Variants in NMBR observed in about 807,000 individuals in gnomAD.
The protein encoded by NMBR is neuromedin-B receptor.
A neutral mutation model predicts 20.5 loss-of-function variants in NMBR; 16 were observed. The ratio of observed to expected loss-of-function variants is 0.78; its 90% CI spans 0.53 to 1.19. The LOEUF is 1.19. NMBR is among the 50% of genes most tolerant of loss of function. The probability of loss-of-function intolerance (pLI) is 0.00; values close to 1 mark genes in which losing one functional copy is unlikely to be tolerated. For synonymous variants in NMBR, 212 were observed against 196.6 expected (o/e 1.08, Z -0.65); for missense variants, 582 against 499.1 (o/e 1.17, Z -1.58).
In NMBR at chr6:142,078,591, A is replaced by T. The variant is rs1185171659; in HGVS notation, c.735T>A (p.Asn245Lys). The change falls in exon 3 of 4, where the codon AAT (asparagine) becomes AAA (lysine). Residue 245 changes from asparagine to lysine, a missense_variant. Transcript: ENST00000258042. ...TATGTTCATTGTATTCTCCAGGAAG[A>T]TTGTGTGCGCTTTTAATTAAGGTCT... ...IAKTLIKSAHNLPGEYNEHTK... is the reference protein window; with the variant it reads ...IAKTLIKSAHKLPGEYNEHTK... 2 of 1,608,532 alleles carry T rather than the reference A, an allele frequency of 1.2e-6. No homozygotes were observed. The highest frequency in any genetic ancestry group is 1.7e-5 in the Admixed American group (1 of 59,744).
Position 142,097,055 on chromosome 6 carries a change from C to T in NMBR, c.-663-7734G>A, listed in dbSNP as rs138006868. Among the ~76,000 whole-genome samples the T allele has an allele frequency of 1.7e-3, 255 of 152,202 alleles. 3 individuals carry two copies. The highest frequency in any genetic ancestry group is 0.014 in the East Asian group (74 of 5,182). On this transcript the variant is annotated intron_variant, in intron 1 of 3. Transcript: ENST00000258042. ...TCTTCCACCATCCCTTTATTTTGAG[C>T]GTATGTGTGTCTTTGCACGTGAGAT...
chr6:142,120,977 A>G (rs1380393767), intron 1 of NMBR, among the ~76,000 whole-genome samples: 1 of 151,976 alleles, frequency 6.6e-6, no homozygotes, highest in Non-Finnish European at 1.5e-5. Context: ...GCATCCAGCA[A>G]GTCCATCAGC....
chr6:142,121,870 C>T lies in NMBR; in HGVS notation c.-664+25174G>A, dbSNP rs181759963. On this transcript the variant is annotated intron_variant, in intron 1 of 3. Coordinates refer to ENST00000258042, the MANE Select transcript of NMBR (RefSeq NM_002511.4). ...AGACAGACCAGGAATGGAGCCCAAG[C>T]TGCAAAATTCTAGAGATTACCTCAA... 6.6e-5 allele frequency among the ~76,000 whole-genome samples: 10 copies of T among 152,034 alleles called. No individual in the cohort carries two copies. The East Asian group carries it at 1.9e-3, about 29-fold the overall frequency.
intron 1 of NMBR, among the ~76,000 whole-genome samples, chr6:142,137,989 A>C (rs1232410139): frequency 2.6e-5 from 4 of 151,906 alleles, no homozygotes; most frequent in Non-Finnish European, 4.4e-5. Flanking sequence ...GAAAAAAAAA[A>C]CCTTTCTGTG....
rs994652429 is a variant in NMBR at position 142,135,220 on chromosome 6, T to G, written c.-664+11824A>C. On this transcript the variant is annotated intron_variant, in intron 1 of 3. Transcript: ENST00000258042. ...TCAGTTTTTCTGTGGCCAGAGAAAC[T>G]TTTATTGTCTTTTTTTACGAAGTGG... 2.8e-4 allele frequency: 47 copies of G among 166,340 alleles called. No individual in the cohort carries two copies. In the Admixed American group the frequency reaches 2.9e-3, roughly 10 times the overall value. 10.3% of individuals were successfully genotyped at this position (166,340 alleles called of 1,614,324 possible). A position where few individuals can be genotyped will look rare whatever the true frequency, so the allele number is the denominator to read the frequency against.
chr6:142,125,162 C>G lies in NMBR; in HGVS notation c.-664+21882G>C, dbSNP rs111600361. On this transcript the variant is annotated intron_variant, in intron 1 of 3. Transcript: ENST00000258042. ...CTCAGCTGTCCCTCTGTGAAACATA[C>G]CATTCTGAGTACCTAAATTGACCTC... is the stretch of plus-strand genomic sequence containing the variant. 6.8e-3 allele frequency among the ~76,000 whole-genome samples: 1,026 copies of G among 151,924 alleles called. 13 individuals carry two copies. Among genetic ancestry groups the G allele is most frequent in the African/African-American group, 0.024 (978 of 41,486 alleles).
chr6:142,134,116 G>T, intron 1 of NMBR: 1 of 525,318 alleles, frequency 1.9e-6, no homozygotes. Context: ...CATAATATGA[G>T]AAATACCCTA....
At chr6:142,105,556 A>G (rs1286190392) in intron 1 of NMBR, among the ~76,000 whole-genome samples, 3 of 152,096 alleles carry the variant, frequency 2.0e-5, no homozygotes, top group Non-Finnish European at 2.9e-5. Flanking sequence ...TACTCCTTCA[A>G]TTTGAAACCT....
intron 1 of NMBR, among the ~76,000 whole-genome samples, chr6:142,123,614 C>T (rs1314190861): frequency 6.6e-6 from 1 of 151,858 alleles, no homozygotes; most frequent in Non-Finnish European, 1.5e-5. Context: ...GTCACCCCAA[C>T]CTTCAGCAGC....
chr6:142,132,084 C>T (rs1468346330), intron 1 of NMBR, among the ~76,000 whole-genome samples: 1 of 152,176 alleles, frequency 6.6e-6, no homozygotes, highest in East Asian at 1.9e-4. Flanking sequence ...CTATCCAGCA[C>T]AGTACTCCTA....
rs147799243 is a variant in NMBR at position 142,087,165 on chromosome 6, A to T, written c.422+1072T>A. Among the ~76,000 whole-genome samples the T allele has an allele frequency of 1.6e-3, 242 of 152,286 alleles. 4 individuals are homozygous for T. Among genetic ancestry groups the T allele is most frequent in the Admixed American group, 4.6e-3 (71 of 15,296 alleles). On this transcript the variant is annotated intron_variant, in intron 2 of 3. Coordinates refer to ENST00000258042, the MANE Select transcript of NMBR (RefSeq NM_002511.4). Reference sequence around the variant, plus strand: ...GAATGCTGTGTTTCCCTCAGTCAGGATTAACTCTTCAATGCCAAAGTAGTA... The same window carrying T: ...GAATGCTGTGTTTCCCTCAGTCAGGTTTAACTCTTCAATGCCAAAGTAGTA...
rs73777123 is a variant in NMBR, at chr6:142,088,706, C to T, written c.-48G>A. ...GCTGGAGTTTTCACGCGCTCCGGTG[C>T]CCTGAGGACTGAACGCCCACGATTT... On this transcript the variant is annotated 5_prime_UTR_variant, in exon 2 of 4. Coordinates refer to ENST00000258042, the MANE Select transcript of NMBR (RefSeq NM_002511.4). The T allele has an allele frequency of 6.6e-7, 1 of 1,523,010 alleles. No individual in the cohort carries two copies. Among genetic ancestry groups the T allele is most frequent in the South Asian group, 1.2e-5 (1 of 84,430 alleles). 94.3% of individuals were successfully genotyped at this position (1,523,010 alleles called of 1,614,324 possible).
intron 1 of NMBR, among the ~76,000 whole-genome samples, chr6:142,093,532 T>A (rs528529263): frequency 0.02 from 3,080 of 152,116 alleles, 114 homozygotes; most frequent in African/African-American, 0.069. Context: ...TGTGCCACAT[T>A]TTCTTAATCC....
intron 1 of NMBR, among the ~76,000 whole-genome samples, chr6:142,139,631 T>C (rs922482426): frequency 1.3e-5 from 2 of 152,222 alleles, no homozygotes; most frequent in Non-Finnish European, 2.9e-5. Context: ...AAAGAAACTT[T>C]GCTTCCCTCT....
At position 142,138,617 on chromosome 6, in the gene NMBR, C is replaced by T. The variant is rs146821360; in HGVS notation, c.-664+8427G>A. Among the ~76,000 whole-genome samples the T allele has an allele frequency of 5.8e-4, 88 of 152,214 alleles. No individual in the cohort carries two copies. In the East Asian group the frequency reaches 0.014, roughly 25 times the overall value. On this transcript the variant is annotated intron_variant, in intron 1 of 3. Transcript: ENST00000258042. ...AACAATTGGTGTTAATAAACAGCAA[C>T]CTTGTTTAATATTTTATCCTTATTT...
intron 1 of NMBR, among the ~76,000 whole-genome samples, chr6:142,093,267 G>A (rs1777370214): frequency 6.7e-6 from 1 of 149,364 alleles, no homozygotes; most frequent in Non-Finnish European, 1.5e-5. Flanking sequence ...TCATCATTTA[G>A]CATTAGGTAT....
At chr6:142,110,087 CAT>C (rs1777734448) in intron 1 of NMBR, among the ~76,000 whole-genome samples, 1 of 152,148 alleles carries the variant, frequency 6.6e-6, no homozygotes, top group Non-Finnish European at 1.5e-5. Flanking sequence ...TGTTGGCAAG[CAT>C]ATGAAGAAAT....
chr6:142,130,760 T>C (rs1778124522), intron 1 of NMBR, among the ~76,000 whole-genome samples: 1 of 152,120 alleles, frequency 6.6e-6, no homozygotes, highest in African/African-American at 2.4e-5. Flanking sequence ...TAGTCATTTC[T>C]TTTTTTAATG....
At chr6:142,131,264 T>G (rs1204836863) in intron 1 of NMBR, among the ~76,000 whole-genome samples, 1 of 152,194 alleles carries the variant, frequency 6.6e-6, no homozygotes, top group Non-Finnish European at 1.5e-5. Context: ...ACATTTGTAA[T>G]CAGCAGGCAC....
Sources: gnomAD v4.1 joint callset for allele counts (sites outside exome capture counted in the v4.1 genomes callset) on GRCh38, gnomAD v4.1.1 for gene constraint, MANE v1.5 for transcripts, NCBI Gene and HGNC (gene_info 2026-07-23, HGNC 2026-07-21) for gene names.